Variants in CPQ observed in about 807,000 individuals in gnomAD.
The protein encoded by CPQ is Ser-Met dipeptidase.
In CPQ, 37 loss-of-function variants were observed where a neutral mutation model predicts 45.7. The ratio of observed to expected loss-of-function variants is 0.81; its 90% CI spans 0.62 to 1.07. The LOEUF (loss-of-function observed/expected upper bound fraction) is 1.07, where lower values mean the gene tolerates loss of function less well. Ranked by LOEUF, CPQ falls within the 50% of genes least tolerant of loss-of-function variation. The pLI, the probability that CPQ is intolerant of heterozygous loss-of-function variation, is 0.00. For missense variants in CPQ, 537 were observed against 572.9 expected, an observed-to-expected ratio of 0.94 and a Z score of 0.64; for synonymous variants, 186 against 205.8, an observed-to-expected ratio of 0.90 and a Z score of 0.82.
intron 3 of CPQ, among the ~76,000 whole-genome samples, chr8:96,864,811 G>A (rs1037273949): frequency 6.6e-6 from 1 of 151,972 alleles, no homozygotes; most frequent in South Asian, 2.1e-4. Context: ...GGAGGAATAG[G>A]ATGGGGGATG....
intron 7 of CPQ, among the ~76,000 whole-genome samples, chr8:97,081,984 CACTT>C (rs1164709547): frequency 3.3e-5 from 5 of 152,150 alleles, no homozygotes; most frequent in Non-Finnish European, 5.9e-5. Flanking sequence ...ACAAAGTTAA[CACTT>C]AATAAGCCAC....
intron 5 of CPQ, among the ~76,000 whole-genome samples, chr8:96,980,561 T>G (rs1813875541): frequency 6.6e-6 from 1 of 152,238 alleles, no homozygotes; most frequent in Non-Finnish European, 1.5e-5. Flanking sequence ...TCAATAATAG[T>G]AACTATTATT....
At position 96,710,282 on chromosome 8, in the gene CPQ, T is replaced by G. The variant is rs192174279; in HGVS notation, c.-35+64880T>G. 2.0e-5 allele frequency among the ~76,000 whole-genome samples: 3 copies of G among 152,212 alleles called. No homozygotes were observed. The East Asian group carries it at 5.8e-4, about 29-fold the overall frequency. On this transcript the variant is annotated intron_variant, in intron 1 of 7. Coordinates refer to ENST00000220763, the MANE Select transcript of CPQ (RefSeq NM_016134.4). ...GAGCTTATTTGAATCTTCTCTCTTC[T>G]GTTTTGTTTATATTTTTAAAGAACC... is the stretch of plus-strand genomic sequence containing the variant.
chr8:96,714,675 G>A (rs2130756673), intron 1 of CPQ, among the ~76,000 whole-genome samples: 1 of 152,070 alleles, frequency 6.6e-6, no homozygotes, highest in African/African-American at 2.4e-5. Context: ...TTCATTGCTG[G>A]AGAGCTACTG....
intron 6 of CPQ, among the ~76,000 whole-genome samples, chr8:97,036,138 T>A (rs1326198742): frequency 6.6e-6 from 1 of 152,144 alleles, no homozygotes; most frequent in Non-Finnish European, 1.5e-5. Context: ...AGAAACATCT[T>A]GGCAAGAGGA....
intron 1 of CPQ, among the ~76,000 whole-genome samples, chr8:96,704,580 T>A (rs1158837728): frequency 6.6e-6 from 1 of 152,114 alleles, no homozygotes; most frequent in Non-Finnish European, 1.5e-5. Flanking sequence ...AACATTAGAA[T>A]GTGTGATATA....
intron 5 of CPQ, among the ~76,000 whole-genome samples, chr8:97,009,950 T>A (rs1809455004): frequency 6.6e-6 from 1 of 152,178 alleles, no homozygotes; most frequent in Non-Finnish European, 1.5e-5. Context: ...GCCTCTTTTT[T>A]CCCCTCCCAC....
chr8:97,017,931 A>G lies in CPQ; in HGVS notation c.962-11472A>G, dbSNP rs543646984. On this transcript the variant is annotated intron_variant, in intron 5 of 7. Coordinates refer to ENST00000220763, the MANE Select transcript of CPQ (RefSeq NM_016134.4). ...GCCACCTCCCAGCAGGAGGATAACC[A>G]GCTCAAAAATAGTGCACTAATCAAT... Among the ~76,000 whole-genome samples, 5 of 152,268 alleles carry G rather than the reference A, an allele frequency of 3.3e-5. No individual in the cohort carries two copies. The East Asian group carries it at 9.6e-4, about 29-fold the overall frequency.
At chr8:97,013,315 A>G (rs539257685) in intron 5 of CPQ, among the ~76,000 whole-genome samples, 1 of 152,124 alleles carries the variant, frequency 6.6e-6, no homozygotes, top group Non-Finnish European at 1.5e-5. Flanking sequence ...TAATAATAAT[A>G]TTAATGATTT....
chr8:96,669,781 T>G (rs1269551701), intron 1 of CPQ, among the ~76,000 whole-genome samples: 2 of 152,178 alleles, frequency 1.3e-5, no homozygotes, highest in African/African-American at 4.8e-5. Context: ...ATAGGCAATT[T>G]GGAAAGGAGA....
At chr8:96,763,709 A>G (rs1346939329) in intron 1 of CPQ, among the ~76,000 whole-genome samples, 1 of 152,150 alleles carries the variant, frequency 6.6e-6, no homozygotes, top group Non-Finnish European at 1.5e-5. Context: ...AAGGTAACCT[A>G]ATAAAAAAGG....
intron 1 of CPQ, among the ~76,000 whole-genome samples, chr8:96,742,951 G>T (rs528252672): frequency 3.3e-5 from 5 of 152,170 alleles, no homozygotes; most frequent in Admixed American, 2.0e-4. Context: ...ACAATTATGT[G>T]TCTTGGTGTT....
In CPQ at chr8:96,817,589, C is replaced by G. The variant is rs540281568; in HGVS notation, c.434-17384C>G. 4.0e-5 allele frequency among the ~76,000 whole-genome samples: 6 copies of G among 151,744 alleles called. No homozygotes were observed. In the East Asian group the frequency reaches 1.2e-3, roughly 29 times the overall value. Reference sequence around the variant, plus strand: ...ATAAGACTATTTTGCTTTCTTATCACTCACGTGTTCGCTGGACTAGCACTT... The same window carrying G: ...ATAAGACTATTTTGCTTTCTTATCAGTCACGTGTTCGCTGGACTAGCACTT... On this transcript the variant is annotated intron_variant, in intron 2 of 7. Coordinates refer to ENST00000220763, the MANE Select transcript of CPQ (RefSeq NM_016134.4).
At chr8:96,989,781 G>A (rs981340553) in intron 5 of CPQ, among the ~76,000 whole-genome samples, 1 of 152,114 alleles carries the variant, frequency 6.6e-6, no homozygotes, top group Non-Finnish European at 1.5e-5. Flanking sequence ...TTCTTCTTCA[G>A]TAGCTTTGAG....
chr8:97,016,413 C>T (rs1809580905), intron 5 of CPQ, among the ~76,000 whole-genome samples: 1 of 152,134 alleles, frequency 6.6e-6, no homozygotes, highest in Non-Finnish European at 1.5e-5. Context: ...GCAATGCATG[C>T]TTTAGATTAA....
At chr8:96,657,373 C>T (rs1459376467) in intron 1 of CPQ, among the ~76,000 whole-genome samples, 1 of 152,218 alleles carries the variant, frequency 6.6e-6, no homozygotes, top group South Asian at 2.1e-4. Context: ...TGTGTGTCAC[C>T]ATGCTGATCT....
In CPQ at chr8:96,769,735, A is replaced by G. The variant is rs146679254; in HGVS notation, c.-34-15129A>G. On this transcript the variant is annotated intron_variant, in intron 1 of 7. Coordinates refer to ENST00000220763, the MANE Select transcript of CPQ (RefSeq NM_016134.4). ...CAGCCTTCGCCTCCTGGGCTCAAAC[A>G]ATTCTCACACCTCAGCCTCCAGAGT... Among the ~76,000 whole-genome samples the G allele has an allele frequency of 7.8e-3, 1,184 of 150,952 alleles. 19 individuals are homozygous for G. Among genetic ancestry groups the G allele is most frequent in the African/African-American group, 0.022 (923 of 41,034 alleles).
chr8:97,069,305 C>T (rs1344000611), intron 7 of CPQ, among the ~76,000 whole-genome samples: 7 of 151,882 alleles, frequency 4.6e-5, no homozygotes, highest in Non-Finnish European at 5.9e-5. Flanking sequence ...AACAATGGTA[C>T]TGGTTATAAC....
At chr8:96,831,228 GTA>G (rs756994188) in intron 2 of CPQ, among the ~76,000 whole-genome samples, 6 of 151,102 alleles carry the variant, frequency 4.0e-5, no homozygotes, top group East Asian at 1.9e-4. Flanking sequence ...TGGGTTATGG[GTA>G]TGTGTGTGTG....
Sources: gnomAD v4.1 joint callset for allele counts (sites outside exome capture counted in the v4.1 genomes callset) on GRCh38, gnomAD v4.1.1 for gene constraint, MANE v1.5 for transcripts, NCBI Gene and HGNC (gene_info 2026-07-23, HGNC 2026-07-21) for gene names.